SLA: variants seen among roughly 807,000 people sequenced by gnomAD.
SLA encodes the protein src-like-adapter.
SLA carries 16 observed loss-of-function variants against 30.3 expected under a neutral mutation model. The observed-to-expected ratio is 0.53, with a 90% CI of 0.36 to 0.80. SLA has a LOEUF of 0.80. SLA is among the 30% of genes least tolerant of loss of function. The pLI is 0.01. For missense variants in SLA, 310 were observed against 345.2 expected (o/e 0.90, Z 0.81); for synonymous variants, 143 against 137.8 (o/e 1.04, Z -0.26).
At chr8:133,096,869 C>G (rs1284298563) in intron 1 of SLA, among the ~76,000 whole-genome samples, 2 of 152,224 alleles carry the variant, frequency 1.3e-5, no homozygotes, top group Admixed American at 1.3e-4. Context: ...CTTTGTGTGG[C>G]TTGCTGGAGG....
At chr8:133,041,038 A>G (rs1214794040) in intron 7 of SLA, among the ~76,000 whole-genome samples, 3 of 152,206 alleles carry the variant, frequency 2.0e-5, no homozygotes, top group South Asian at 2.1e-4. Context: ...CCATGTTATC[A>G]TGAGAAAGAC....
chr8:133,073,634 C>T (rs2703005), intron 2 of SLA, among the ~76,000 whole-genome samples: 30,704 of 152,124 alleles, frequency 0.2, 3,191 homozygotes, highest in African/African-American at 0.21. Context: ...GACCACAGCC[C>T]AGTTTAATAG....
At chr8:133,075,483 G>GGCAGTTGTTTGAATATATACTGT (rs1328590453) in intron 1 of SLA, among the ~76,000 whole-genome samples, 1 of 152,148 alleles carries the variant, frequency 6.6e-6, no homozygotes, top group African/African-American at 2.4e-5. Context: ...ATTATGAGAT[G>GGCAGTTGTTTGAATATATACTGT]GCAGTTGTTT....
intron 7 of SLA, among the ~76,000 whole-genome samples, chr8:133,043,251 G>C (rs1838660305): frequency 6.6e-6 from 1 of 152,110 alleles, no homozygotes; most frequent in African/African-American, 2.4e-5. Flanking sequence ...TGGCCTGGTA[G>C]CCTCATGGCC....
At chr8:133,094,579 G>A (rs960459667) in intron 1 of SLA, 9 of 228,646 alleles carry the variant, frequency 3.9e-5, no homozygotes, top group African/African-American at 1.6e-4. Flanking sequence ...CTGTGTTTTC[G>A]TCACCTCCTA....
At chr8:133,068,025 G>T (rs893706017) in intron 2 of SLA, among the ~76,000 whole-genome samples, 1 of 152,164 alleles carries the variant, frequency 6.6e-6, no homozygotes, top group African/African-American at 2.4e-5. Context: ...GCTGCCTGGG[G>T]CTGGGGGCTC....
At chr8:133,070,677 T>C (rs759196256) in intron 2 of SLA, among the ~76,000 whole-genome samples, 1 of 152,202 alleles carries the variant, frequency 6.6e-6, no homozygotes, top group Non-Finnish European at 1.5e-5. Flanking sequence ...TCCTAATTCC[T>C]TCAGTAATAC....
At chr8:133,042,623 C>T (rs1838467843) in intron 7 of SLA, among the ~76,000 whole-genome samples, 1 of 147,008 alleles carries the variant, frequency 6.8e-6, no homozygotes, top group South Asian at 2.2e-4. Context: ...TTATAAGCAA[C>T]CTGTTGCTAG....
chr8:133,076,408 C>T (rs1157353726), intron 1 of SLA, among the ~76,000 whole-genome samples: 1 of 152,226 alleles, frequency 6.6e-6, no homozygotes, highest in Non-Finnish European at 1.5e-5. Flanking sequence ...AGCAGGCAGG[C>T]ACTCTGCACT....
intron 3 of SLA, among the ~76,000 whole-genome samples, chr8:133,054,612 G>C (rs942707453): frequency 1.3e-5 from 2 of 152,176 alleles, no homozygotes; most frequent in African/African-American, 4.8e-5. Context: ...CTCAAGACCA[G>C]TGTTAGCCAA....
At chr8:133,076,470 T>C (rs1215916787) in intron 1 of SLA, among the ~76,000 whole-genome samples, 5 of 152,186 alleles carry the variant, frequency 3.3e-5, no homozygotes, top group African/African-American at 9.7e-5. Flanking sequence ...AAGAAGAGCA[T>C]GCTGGGAAGG....
intron 7 of SLA, 173 bp from the exon 8 acceptor site, chr8:133,040,303 G>T: frequency 3.0e-6 from 2 of 674,032 alleles, no homozygotes; most frequent in Non-Finnish European, 5.0e-6. Context: ...CACGCGCCCA[G>T]CTGTTTGAGA....
At chr8:133,070,352 C>G (rs1401552827) in intron 2 of SLA, among the ~76,000 whole-genome samples, 1 of 144,922 alleles carries the variant, frequency 6.9e-6, no homozygotes, top group East Asian at 1.9e-4. Context: ...GTTTTTGGAA[C>G]AGTTGCCCAC....
At chr8:133,060,061 G>A (rs1328223054) in intron 3 of SLA, 39 bp downstream of exon 3, 2 of 1,544,906 alleles carry the variant, frequency 1.3e-6, no homozygotes, top group Non-Finnish European at 1.7e-6. Context: ...GGCTCTTGTA[G>A]CACAGACTCA....
chr8:133,095,768 A>C (rs1260295673), intron 1 of SLA, among the ~76,000 whole-genome samples: 1 of 152,222 alleles, frequency 6.6e-6, no homozygotes, highest in African/African-American at 2.4e-5. Flanking sequence ...TGATGGCCTG[A>C]TCGCCTTAGC....
intron 3 of SLA, among the ~76,000 whole-genome samples, chr8:133,052,528 G>T (rs2252553): frequency 0.35 from 53,503 of 152,018 alleles, 10,346 homozygotes; most frequent in Non-Finnish European, 0.45. Context: ...CCAAACCTGT[G>T]GGGGCAGCTC....
intron 1 of SLA, among the ~76,000 whole-genome samples, chr8:133,092,427 C>T (rs571033627): frequency 2.0e-5 from 3 of 152,262 alleles, no homozygotes; most frequent in African/African-American, 4.8e-5. Flanking sequence ...TAGATAAAGC[C>T]GGAGCCCAGG....
In SLA at chr8:133,049,948, G is replaced by C. The variant is rs1334627419; in HGVS notation, c.202C>G (p.Arg68Gly). The C allele has an allele frequency of 1.9e-6, 3 of 1,613,446 alleles. No homozygotes were observed. Among genetic ancestry groups the C allele is most frequent in the African/African-American group, 2.7e-5 (2 of 74,870 alleles). ...WWKAISLSTGRESYIPGICVA... is the reference protein window; with the variant it reads ...WWKAISLSTGGESYIPGICVA... Reference sequence around the variant, plus strand: ...CATATTCCAGGGATGTAACTCTCTCGACCAGTGCTAAGAGAAATAGCTTTC... The same window carrying C: ...CATATTCCAGGGATGTAACTCTCTCCACCAGTGCTAAGAGAAATAGCTTTC... The change falls in exon 5 of 9, where the codon CGA becomes GGA. Residue 68 changes from arginine to glycine, a missense_variant. Transcript: ENST00000338087.
chr8:133,077,936 A>C (rs1031137682), intron 1 of SLA, among the ~76,000 whole-genome samples: 1 of 152,024 alleles, frequency 6.6e-6, no homozygotes, highest in Non-Finnish European at 1.5e-5. Flanking sequence ...GGGAGCAAAA[A>C]TTGCCCCCAG....
Sources: allele counts gnomAD v4.1 joint callset (sites outside exome capture counted in the v4.1 genomes callset), GRCh38; gene constraint gnomAD v4.1.1; transcripts MANE v1.5; gene names NCBI Gene and HGNC (gene_info 2026-07-23, HGNC 2026-07-21).